CPLANE1: variants seen among roughly 807,000 people sequenced by gnomAD.
CPLANE1 encodes the protein ciliogenesis and planar polarity effector 1.
Under a neutral mutation model 362.5 loss-of-function variants are expected in CPLANE1, and 263 were observed. That is an observed-to-expected ratio of 0.73 (90% CI 0.66 to 0.80). CPLANE1 has a LOEUF of 0.80. Ranked by LOEUF, CPLANE1 falls within the 30% of genes least tolerant of loss-of-function variation. CPLANE1 has a pLI of 0.00. For missense variants in CPLANE1, 3,461 were observed against 3,793.4 expected (o/e 0.91, Z 2.30); for synonymous variants, 1,212 against 1,302.6 (o/e 0.93, Z 1.50).
intron 46 of CPLANE1, chr5:37,138,404 T>C: frequency 2.4e-6 from 1 of 412,654 alleles, no homozygotes; most frequent in South Asian, 2.0e-5. Context: ...AGAAAGCCTA[T>C]TTAAAATGTA....
At chr5:37,145,903 G>A (rs1000898804) in intron 43 of CPLANE1, among the ~76,000 whole-genome samples, 7 of 152,102 alleles carry the variant, frequency 4.6e-5, no homozygotes, top group African/African-American at 1.2e-4. Context: ...GTACATGCTG[G>A]ACACAAATAC....
rs1763658604 is a variant in CPLANE1, at chr5:37,124,624, C to A, written c.8958+620G>T. Among the ~76,000 whole-genome samples, 2 of 152,254 alleles carry A rather than the reference C, an allele frequency of 1.3e-5. 1 individual carries two copies. The highest frequency in any genetic ancestry group is 4.8e-5 in the African/African-American group (2 of 41,536). ...CTGGAGTGCAGTGGTGTGATCATAG[C>A]TCAATACAGTCTCAAACTTCTGGGC... On this transcript the variant is annotated intron_variant, in intron 47 of 52. Transcript: ENST00000651892.
intron 20 of CPLANE1, among the ~76,000 whole-genome samples, chr5:37,198,300 G>A (rs553116176): frequency 6.6e-6 from 1 of 152,244 alleles, no homozygotes; most frequent in African/African-American, 2.4e-5. Flanking sequence ...GCTACCGGAT[G>A]GAAACAGACG....
At chr5:37,220,456 G>A (rs1403626673) in intron 15 of CPLANE1, among the ~76,000 whole-genome samples, 1 of 151,642 alleles carries the variant, frequency 6.6e-6, no homozygotes, top group African/African-American at 2.4e-5. Flanking sequence ...CTTTCCCTCT[G>A]GTTATTGCCT....
downstream of CPLANE1, among the ~76,000 whole-genome samples, chr5:37,105,322 CA>C (rs1757511109): frequency 1.3e-5 from 2 of 151,876 alleles, no homozygotes. Flanking sequence ...AAAACAAAAA[CA>C]AAAACAAAAC....
rs1310199621 is a variant in CPLANE1 at position 37,195,873 on chromosome 5, A to C, written c.3796T>G (p.Ser1266Ala). ...TTGGACAAACCTATTGCTCTAATGG[A>C]AACTTCATCAAGCTTGTGGTCTCCA... The part of the protein sequence containing the change: ...AAGDHKLDEV[S>A]IRAIGCFREL... Residue 1266 changes from serine (S) to alanine (A), a missense_variant, in exon 21 of 53, where the codon TCC (serine) becomes GCC (alanine). Around this residue, in one of 2 missense-constraint regions of CPLANE1, gnomAD observed 3,380 missense variants for 3,666.1 expected, o/e 0.92. Transcript: ENST00000651892. 6.2e-7 allele frequency: 1 copy of C among 1,611,040 alleles called. No homozygotes were observed. Among genetic ancestry groups the C allele is most frequent in the Admixed American group, 1.7e-5 (1 of 59,344 alleles).
In CPLANE1 at chr5:37,170,260, T is replaced by A. The variant is rs751645035; in HGVS notation, c.6243A>T (p.Gln2081His). 1.2e-6 allele frequency: 2 copies of A among 1,614,200 alleles called. No individual in the cohort carries two copies. Among genetic ancestry groups the A allele is most frequent in the South Asian group, 2.2e-5 (2 of 91,084 alleles). ...CAGACTGAGACTGCTGTACAAGTTGTTGTGTATCTGGGAGATTAGCAAAGG... is the reference window on the plus strand; with the variant it reads ...CAGACTGAGACTGCTGTACAAGTTGATGTGTATCTGGGAGATTAGCAAAGG... ...GSSFANLPDTQQLVQQSQSVH... is the reference protein window; with the variant it reads ...GSSFANLPDTHQLVQQSQSVH... Residue 2081 changes from glutamine (Q) to histidine (H), a missense_variant, in exon 33 of 53, where the codon CAA becomes CAT. Physicochemically the swap from Gln to His is conservative, Grantham distance 24. Transcript: ENST00000651892.
chr5:37,211,392 G>A, intron 16 of CPLANE1: 1 of 1,517,602 alleles, frequency 6.6e-7, no homozygotes, highest in South Asian at 1.4e-5. Context: ...GCACTTGCTG[G>A]AAGCCTTCAA....
At chr5:37,195,150 A>G (rs867966606) in intron 21 of CPLANE1, among the ~76,000 whole-genome samples, 14 of 148,636 alleles carry the variant, frequency 9.4e-5, no homozygotes, top group African/African-American at 3.2e-4. Flanking sequence ...GCAAGACTCC[A>G]TCTCAAAAAA....
At chr5:37,177,072 A>G (rs1781381628) in intron 30 of CPLANE1, among the ~76,000 whole-genome samples, 1 of 151,986 alleles carries the variant, frequency 6.6e-6, no homozygotes. Context: ...TGCCTTTCTG[A>G]TCTAAGGGAA....
Position 37,106,699 on chromosome 5 carries a change from C to G in CPLANE1, c.*903G>C. The G allele has an allele frequency of 2.6e-6, 1 of 380,044 alleles. No homozygotes were observed. The highest frequency in any genetic ancestry group is 3.6e-6 in the Non-Finnish European group (1 of 276,798). The allele number at this position is 380,044 out of a possible 1,614,324, so 23.5% of individuals were successfully genotyped here. A position where few individuals can be genotyped will look rare whatever the true frequency, so the allele number is the denominator to read the frequency against. On this transcript the variant is annotated 3_prime_UTR_variant, in exon 53 of 53. Coordinates refer to ENST00000651892, the MANE Select transcript of CPLANE1 (RefSeq NM_001384732.1). ...TTACCATACCTGCTTCTGCATTCAA[C>G]TTGCTGCAATACATGTTGTAAAACC... is the stretch of plus-strand genomic sequence containing the variant.
At chr5:37,139,289 A>G (rs1216596469) in intron 45 of CPLANE1, 51 bp downstream of exon 45, 1 of 1,384,664 alleles carries the variant, frequency 7.2e-7, no homozygotes, top group Non-Finnish European at 9.8e-7. Flanking sequence ...AATTTTCACT[A>G]TCTACACCCA....
At chr5:37,176,026 T>G (rs1268320303) in intron 30 of CPLANE1, 40 bp from the exon 31 acceptor site, 1 of 1,330,976 alleles carries the variant, frequency 7.5e-7, no homozygotes, top group African/African-American at 1.4e-5. Flanking sequence ...AAGCAAGATA[T>G]TCTTTGCATT....
At chr5:37,080,739 T>C in the CPLANE1 span, among the ~76,000 whole-genome samples, 1 of 152,186 alleles carries the variant, frequency 6.6e-6, no homozygotes, top group East Asian at 1.9e-4. Context: ...CAACACCTGA[T>C]ACTCCAGACA....
intron 42 of CPLANE1, among the ~76,000 whole-genome samples, chr5:37,151,936 T>G (rs1773676249): frequency 6.6e-6 from 1 of 152,134 alleles, no homozygotes; most frequent in African/African-American, 2.4e-5. Flanking sequence ...TATCATTACT[T>G]AGTATTAATA....
At position 37,213,658 on chromosome 5, in the gene CPLANE1, A is replaced by C; in HGVS notation, c.2821T>G (p.Ser941Ala). 6.5e-7 allele frequency: 1 copy of C among 1,545,406 alleles called. No homozygotes were observed. The highest frequency in any genetic ancestry group is 8.7e-7 in the Non-Finnish European group (1 of 1,143,006). The part of the protein sequence containing the change: ...HPEAAVRVVQ[S>A]MARFMAAYFT... ...TAGGCAGCCATGAAACGAGCCATGG[A>C]CTGGACGACTCTCACTGCTGCCTCA... Residue 941 changes from serine to alanine, a missense_variant, in exon 16 of 53, where the codon TCC (serine) becomes GCC (alanine). Ser to Ala is a moderately conservative substitution (Grantham distance 99). Transcript: ENST00000651892.
Position 37,187,060 on chromosome 5 carries a change from C to CAAAAAAAAAAAAAAAA in CPLANE1, c.4080+338_4080+353dup, listed in dbSNP as rs61112118. 4.4e-4 allele frequency among the ~76,000 whole-genome samples: 22 copies of CAAAAAAAAAAAAAAAA among 50,404 alleles called. 5 individuals are homozygous for CAAAAAAAAAAAAAAAA. Among genetic ancestry groups the CAAAAAAAAAAAAAAAA allele is most frequent in the African/African-American group, 1.9e-3 (21 of 11,002 alleles). 33.1% of individuals were successfully genotyped at this position (50,404 alleles called of 152,430 possible). A position where few individuals can be genotyped will look rare whatever the true frequency, so the allele number is the denominator to read the frequency against. On this transcript the variant is annotated intron_variant, in intron 23 of 52. Coordinates refer to ENST00000651892, the MANE Select transcript of CPLANE1 (RefSeq NM_001384732.1). ...TGGGTGACAGAGCGAGACTCCGTCT[C>CAAAAAAAAAAAAAAAA]AAAAAAAAAAAAAAAAAAAAAAAAA...
intron 38 of CPLANE1, among the ~76,000 whole-genome samples, chr5:37,159,249 C>A (rs1776168879): frequency 6.7e-6 from 1 of 149,748 alleles, no homozygotes; most frequent in Non-Finnish European, 1.5e-5. Context: ...GTAGCTGGGA[C>A]TACAGGCGCC....
chr5:37,201,851 T>A, intron 18 of CPLANE1, 43 bp from the exon 19 acceptor site: 1 of 1,364,480 alleles, frequency 7.3e-7, no homozygotes, highest in Non-Finnish European at 1.0e-6. Flanking sequence ...AAGCTTGTAT[T>A]AAACTTCTTA....
Sources: allele counts gnomAD v4.1 joint callset (sites outside exome capture counted in the v4.1 genomes callset), GRCh38; gene constraint gnomAD v4.1.1; regional missense constraint gnomAD v4.1.1; transcripts MANE v1.5; gene names NCBI Gene and HGNC (gene_info 2026-07-23, HGNC 2026-07-21).